The following BCAS1 variants were observed in gnomAD, a reference collection of about 807,000 sequenced individuals.
BCAS1 encodes breast carcinoma-amplified sequence 1.
Under a neutral mutation model 65.4 loss-of-function variants are expected in BCAS1, and 46 were observed. That is an observed-to-expected ratio of 0.70 (90% confidence interval 0.55 to 0.90). BCAS1 has a LOEUF of 0.90. BCAS1 is among the 40% of genes least tolerant of loss of function. BCAS1 has a pLI of 0.00. For missense variants in BCAS1, 793 were observed against 771.2 expected, an observed-to-expected ratio of 1.03 and a Z score of -0.33; for synonymous variants, 298 against 293.5, an observed-to-expected ratio of 1.02 and a Z score of -0.16.
intron 3 of BCAS1, among the ~76,000 whole-genome samples, chr20:54,047,576 A>C (rs1038608086): frequency 6.6e-6 from 1 of 152,218 alleles, no homozygotes; most frequent in Non-Finnish European, 1.5e-5. Flanking sequence ...CTGTTGGGCC[A>C]TCTGGGAGAG....
At chr20:53,992,448 G>T in intron 7 of BCAS1, 64 bp downstream of exon 7, 1 of 1,327,662 alleles carries the variant, frequency 7.5e-7, no homozygotes, top group Non-Finnish European at 1.0e-6. Context: ...GTGGGCTCAG[G>T]ATGGCACATG....
At chr20:54,006,904 C>T (rs180941951) in intron 4 of BCAS1, among the ~76,000 whole-genome samples, 15 of 152,180 alleles carry the variant, frequency 9.9e-5, no homozygotes, top group Admixed American at 5.2e-4. Flanking sequence ...GGGAAAAAAC[C>T]GAAGTGGACA....
chr20:54,039,141 T>A (rs1027888217), intron 3 of BCAS1, among the ~76,000 whole-genome samples: 1 of 151,482 alleles, frequency 6.6e-6, no homozygotes, highest in African/African-American at 2.4e-5. Context: ...CAACTGCGGC[T>A]TTCTATGTTG....
chr20:53,969,580 A>G (rs924924558), intron 9 of BCAS1, among the ~76,000 whole-genome samples: 1 of 152,192 alleles, frequency 6.6e-6, no homozygotes, highest in African/African-American at 2.4e-5. Context: ...GCGGCAACTC[A>G]ATGTATCTAA....
intron 1 of BCAS1, among the ~76,000 whole-genome samples, chr20:54,065,435 T>C (rs1369261189): frequency 6.6e-6 from 1 of 152,244 alleles, no homozygotes; most frequent in Admixed American, 6.5e-5. Context: ...TGGAAATGCC[T>C]GCATGCAGTT....
rs200028498 is a variant in BCAS1, at chr20:53,988,389, A to G, written c.1063-2890T>C. 7.9e-5 allele frequency among the ~76,000 whole-genome samples: 12 copies of G among 152,324 alleles called. No individual in the cohort carries two copies. In the East Asian group the frequency reaches 2.1e-3, roughly 27 times the overall value. On this transcript the variant is annotated intron_variant, in intron 7 of 12. Transcript: ENST00000688948. ...TCCCTGGACCACTGTTGCATCTTGA[A>G]GACATAATTTCCAACTTTAAACTTT...
chr20:53,995,065 T>C lies in BCAS1; in HGVS notation c.883-9A>G, dbSNP rs762830957. ...GCTTTGTTAGGTGAAACCTTAAAAG[T>C]TTGAGAAAGCCAAATATTAGAAATC... On this transcript the variant is annotated splice_polypyrimidine_tract_variant and intron_variant, in intron 5 of 12. Transcript: ENST00000688948. 1 of 1,610,190 alleles carries C rather than the reference T, an allele frequency of 6.2e-7. No homozygotes were observed. Among genetic ancestry groups the C allele is most frequent in the Non-Finnish European group, 8.5e-7 (1 of 1,176,832 alleles).
Position 53,995,937 on chromosome 20 carries a change from A to G in BCAS1, c.837T>C (p.Ala279=). ...ETAKDDSQAA[A]IAENNNSIMS... ...TGATGGAATTATTATTCTCTGCTAT[A>G]GCTGCTGCCTGGGAATCGTCCTTTG... Residue 279 remains alanine, a synonymous_variant, in exon 5 of 13, where the codon GCT becomes GCC. Transcript: ENST00000688948. 6.2e-7 allele frequency: 1 copy of G among 1,613,784 alleles called. No individual in the cohort carries two copies.
intron 6 of BCAS1, among the ~76,000 whole-genome samples, chr20:53,993,306 TC>T (rs1388310077): frequency 1.3e-5 from 2 of 152,344 alleles, no homozygotes; most frequent in East Asian, 3.9e-4. Flanking sequence ...TCAGGGACTT[TC>T]GTGTAGGGAA....
chr20:53,971,885 A>AT (rs1382902643), intron 9 of BCAS1, among the ~76,000 whole-genome samples: 3 of 151,266 alleles, frequency 2.0e-5, no homozygotes, highest in East Asian at 2.2e-4. Flanking sequence ...TGGGCAAAAT[A>AT]TTTTTTTTAT....
At chr20:53,988,556 C>T (rs2090673940) in intron 7 of BCAS1, among the ~76,000 whole-genome samples, 1 of 152,012 alleles carries the variant, frequency 6.6e-6, no homozygotes, top group African/African-American at 2.4e-5. Context: ...TCGGGGGGTC[C>T]ATGTGATATT....
chr20:53,987,667 A>G (rs1436372234), intron 7 of BCAS1, among the ~76,000 whole-genome samples: 2 of 152,194 alleles, frequency 1.3e-5, no homozygotes, highest in Non-Finnish European at 2.9e-5. Flanking sequence ...AATAAATGTA[A>G]AATTTCAACT....
chr20:54,028,144 T>C (rs1439995265), intron 4 of BCAS1, among the ~76,000 whole-genome samples: 2 of 152,222 alleles, frequency 1.3e-5, no homozygotes, highest in Non-Finnish European at 2.9e-5. Flanking sequence ...TTCATCTGCA[T>C]GTAACTCACC....
chr20:54,047,727 A>G (rs990045736), intron 3 of BCAS1, among the ~76,000 whole-genome samples: 18 of 152,160 alleles, frequency 1.2e-4, no homozygotes, highest in Non-Finnish European at 2.4e-4. Context: ...AAAAAATTGG[A>G]CAAAATGCAC....
intron 8 of BCAS1, among the ~76,000 whole-genome samples, chr20:53,980,435 G>A (rs2090447672): frequency 6.6e-6 from 1 of 152,130 alleles, no homozygotes; most frequent in Non-Finnish European, 1.5e-5. Context: ...ATTGCACAGA[G>A]CTGAAAAAAA....
chr20:54,055,479 T>C (rs539895063), intron 3 of BCAS1, among the ~76,000 whole-genome samples: 32 of 152,128 alleles, frequency 2.1e-4, no homozygotes, highest in Non-Finnish European at 4.7e-4. Flanking sequence ...ATGAGACTTA[T>C]TCACTACCAT....
At chr20:53,965,546 T>A (rs2090004206) in intron 10 of BCAS1, among the ~76,000 whole-genome samples, 1 of 152,262 alleles carries the variant, frequency 6.6e-6, no homozygotes, top group Non-Finnish European at 1.5e-5. Flanking sequence ...GCATTGCTTT[T>A]TATAAACAGT....
Position 53,944,953 on chromosome 20 carries a change from A to C in BCAS1, c.1859T>G (p.Val620Gly), listed in dbSNP as rs764785129. ...MLDAQVQTDP[V>G]SIGPVGKSK is the part of the protein sequence containing the mutation. Reference sequence around the variant, plus strand: ...GGATTTGCCAACTGGTCCGATGGATACTGGGTCTGTTTGCACTTGAGCATC... The same window carrying C: ...GGATTTGCCAACTGGTCCGATGGATCCTGGGTCTGTTTGCACTTGAGCATC... Residue 620 changes from valine to glycine, a missense_variant, in exon 13 of 13, where the codon GTA becomes GGA. By Grantham distance (109) the Val-to-Gly change is moderately radical. Coordinates refer to ENST00000688948, the MANE Select transcript of BCAS1 (RefSeq NM_001366298.2). The C allele has an allele frequency of 1.9e-6, 3 of 1,614,078 alleles. No homozygotes were observed. In the South Asian group the frequency reaches 3.3e-5, roughly 18 times the overall value.
intron 9 of BCAS1, 22 bp from the exon 10 acceptor site, chr20:53,967,095 TAAGAAA>T: frequency 6.3e-7 from 1 of 1,598,958 alleles, no homozygotes; most frequent in Non-Finnish European, 8.5e-7. Flanking sequence ...TGCCAGGTAA[TAAGAAA>T]ATGAAAAACA....
Sources: gnomAD v4.1 joint callset for allele counts (sites outside exome capture counted in the v4.1 genomes callset) on GRCh38, gnomAD v4.1.1 for gene constraint, MANE v1.5 for transcripts, NCBI Gene and HGNC (gene_info 2026-07-23, HGNC 2026-07-21) for gene names.